EML6: variants seen among roughly 807,000 people sequenced by gnomAD.
EML6 encodes EMAP like 6, also known as echinoderm microtubule-associated protein-like 6.
EML6 carries 154 observed loss-of-function variants against 240.1 expected under a neutral mutation model. The observed-to-expected ratio is 0.64, with a 90% confidence interval of 0.56 to 0.73. The LOEUF (loss-of-function observed/expected upper bound fraction) is 0.73. Ranked by LOEUF, EML6 falls within the 30% of genes least tolerant of loss-of-function variation. The pLI, the probability that EML6 is intolerant of heterozygous loss-of-function variation, is 0.00. For synonymous variants in EML6, 1,148 were observed against 899.0 expected (o/e 1.28, Z -4.95); for missense variants, 2,964 against 2,474.6 (o/e 1.20, Z -4.20).
chr2:54,798,557 A>G (rs911047380), intron 2 of EML6, among the ~76,000 whole-genome samples: 1 of 152,180 alleles, frequency 6.6e-6, no homozygotes, highest in African/African-American at 2.4e-5. Flanking sequence ...TGATGCTATT[A>G]TAAGTGGCAT....
chr2:54,924,439 G>C (rs569305784), intron 26 of EML6, among the ~76,000 whole-genome samples: 2 of 152,150 alleles, frequency 1.3e-5, no homozygotes, highest in African/African-American at 4.8e-5. Flanking sequence ...TTTCATTCTT[G>C]AGTTCTGTGT....
chr2:54,850,371 T>A, intron 10 of EML6, 153 bp downstream of exon 10: 1 of 634,194 alleles, frequency 1.6e-6, no homozygotes, highest in Non-Finnish European at 2.7e-6. Context: ...GCAAGGAATG[T>A]TTTCTGTCGC....
intron 16 of EML6, among the ~76,000 whole-genome samples, chr2:54,875,627 A>C (rs1382745627): frequency 6.6e-6 from 1 of 152,246 alleles, no homozygotes; most frequent in Non-Finnish European, 1.5e-5. Flanking sequence ...TCGAAAGCAA[A>C]CAAAAGACAT....
intron 18 of EML6, 59 bp from the exon 19 acceptor site, chr2:54,892,395 A>C: frequency 8.7e-7 from 1 of 1,147,584 alleles, no homozygotes; most frequent in Non-Finnish European, 1.3e-6. Context: ...TAGTCCTTCT[A>C]CATGCTTATA....
intron 34 of EML6, among the ~76,000 whole-genome samples, chr2:54,959,740 C>T (rs1230755499): frequency 2.0e-5 from 3 of 151,832 alleles, no homozygotes; most frequent in South Asian, 4.2e-4. Flanking sequence ...CCAGCCTGGG[C>T]GACAAGAGTG....
At chr2:54,752,618 A>G (rs528221137) in intron 2 of EML6, among the ~76,000 whole-genome samples, 1 of 152,324 alleles carries the variant, frequency 6.6e-6, no homozygotes, top group South Asian at 2.1e-4. Context: ...GTTGTAGTAG[A>G]TAGCATTCGT....
intron 10 of EML6, among the ~76,000 whole-genome samples, chr2:54,852,890 G>C (rs923539526): frequency 1.3e-5 from 2 of 152,174 alleles, no homozygotes; most frequent in African/African-American, 4.8e-5. Flanking sequence ...TTGCTTCTTT[G>C]TGTGCTCTCT....
At chr2:54,961,184 G>GTTGTTTTTTTGTTTTTTTTTTTTTTT in intron 35 of EML6, among the ~76,000 whole-genome samples, 2 of 55,424 alleles carry the variant, frequency 3.6e-5, no homozygotes, top group African/African-American at 8.1e-5. Flanking sequence ...TCAGGAAGTA[G>GTTGTTTTTTTGTTTTTTTTTTTTTTT]TTTTTTTTTT....
intron 7 of EML6, among the ~76,000 whole-genome samples, chr2:54,830,906 G>A (rs916321389): frequency 8.5e-5 from 13 of 152,150 alleles, no homozygotes; most frequent in African/African-American, 2.7e-4. Context: ...TGAATACTAG[G>A]CACAGAGTTT....
Position 54,928,732 on chromosome 2 carries a change from G to A in EML6, c.3985G>A (p.Glu1329Lys). The change falls in exon 28 of 42, where the codon GAA becomes AAA. Residue 1329 changes from glutamate (E) to lysine (K), a missense_variant. Physicochemically the swap from Glu to Lys is moderately conservative, Grantham distance 56. Coordinates refer to ENST00000356458, the MANE Select transcript of EML6 (RefSeq NM_001039753.4). ...EGTKPHQQLK[E>K]VSVEERPPVS... ...CACCAAGCCACACCAGCAGCTGAAG[G>A]AAGTTTCCGTGGAAGAAAGGTATGG... is the stretch of plus-strand genomic sequence containing the variant. 1.3e-6 allele frequency: 2 copies of A among 1,551,904 alleles called. No individual in the cohort carries two copies. The highest frequency in any genetic ancestry group is 1.7e-6 in the Non-Finnish European group (2 of 1,147,050).
intron 16 of EML6, among the ~76,000 whole-genome samples, chr2:54,873,378 A>G (rs916246600): frequency 1.3e-5 from 2 of 152,332 alleles, no homozygotes; most frequent in African/African-American, 4.8e-5. Context: ...ATAAGTGTCA[A>G]GGGAGAGAGA....
chr2:54,950,553 C>A (rs1192195698), intron 29 of EML6, 97 bp from the exon 30 acceptor site: 8 of 1,393,084 alleles, frequency 5.7e-6, no homozygotes, highest in African/African-American at 4.3e-5. Context: ...CCATACCGTT[C>A]CTGGGACACA....
chr2:54,860,884 C>T (rs941899944), intron 12 of EML6, among the ~76,000 whole-genome samples: 5 of 152,178 alleles, frequency 3.3e-5, no homozygotes, highest in Admixed American at 2.0e-4. Context: ...CAGAGGACTC[C>T]ATCCTAAACC....
At chr2:54,846,484 ATTT>A (rs34903209) in intron 8 of EML6, among the ~76,000 whole-genome samples, 55,642 of 142,014 alleles carry the variant, frequency 0.39, 10,929 homozygotes, top group East Asian at 0.56. Context: ...TTGATACATA[ATTT>A]TTTTTTTTTT....
intron 2 of EML6, among the ~76,000 whole-genome samples, chr2:54,738,232 G>A (rs538817313): frequency 6.6e-6 from 1 of 152,268 alleles, no homozygotes; most frequent in Admixed American, 6.5e-5. Flanking sequence ...CTGGCATGTA[G>A]AAGGTGCTTA....
intron 2 of EML6, among the ~76,000 whole-genome samples, chr2:54,796,711 T>G (rs1408970977): frequency 6.6e-6 from 1 of 152,034 alleles, no homozygotes; most frequent in African/African-American, 2.4e-5. Flanking sequence ...CAGAAAAGGT[T>G]ATGGGGATCT....
chr2:54,939,110 C>G (rs918969231), intron 28 of EML6, among the ~76,000 whole-genome samples: 2 of 152,234 alleles, frequency 1.3e-5, no homozygotes, highest in African/African-American at 4.8e-5. Flanking sequence ...GATTTAGATT[C>G]ATTTTCATTC....
chr2:54,806,018 A>G (rs1335979334), intron 2 of EML6, among the ~76,000 whole-genome samples: 1 of 152,140 alleles, frequency 6.6e-6, no homozygotes, highest in East Asian at 1.9e-4. Flanking sequence ...GTCTATCCTT[A>G]TAGCAATATT....
At chr2:54,892,970 A>G (rs1672556499) in intron 19 of EML6, among the ~76,000 whole-genome samples, 1 of 152,182 alleles carries the variant, frequency 6.6e-6, no homozygotes, top group Non-Finnish European at 1.5e-5. Flanking sequence ...GTCCTGAGAA[A>G]TACTTCAGCA....
Sources: allele counts gnomAD v4.1 joint callset (sites outside exome capture counted in the v4.1 genomes callset), GRCh38; gene constraint gnomAD v4.1.1; transcripts MANE v1.5; gene names NCBI Gene and HGNC (gene_info 2026-07-23, HGNC 2026-07-21).